The following CREB5 variants were observed in gnomAD, a reference collection of about 807,000 sequenced individuals.
The protein encoded by CREB5 is cyclic AMP-responsive element-binding protein 5.
In CREB5, 19 loss-of-function variants were observed where a neutral mutation model predicts 57.1. That is an observed-to-expected ratio of 0.33 (90% CI 0.23 to 0.49). CREB5 has a LOEUF of 0.49. Among genes scored for constraint, CREB5 ranks in the 20% least tolerant of loss-of-function variants. CREB5 has a pLI of 0.99. For missense variants in CREB5, 579 were observed against 671.6 expected, an observed-to-expected ratio of 0.86 and a Z score of 1.52; for synonymous variants, 238 against 238.3, an observed-to-expected ratio of 1.00 and a Z score of 0.01.
At chr7:28,603,984 G>A (rs1428731751) in intron 5 of CREB5, among the ~76,000 whole-genome samples, 1 of 152,140 alleles carries the variant, frequency 6.6e-6, no homozygotes, top group Non-Finnish European at 1.5e-5. Flanking sequence ...TATTTAGCAG[G>A]ATGGGGTGCG....
At chr7:28,512,651 GTGTGTGTGTGTGTGTGTA>G (rs980191668) in intron 4 of CREB5, among the ~76,000 whole-genome samples, 4 of 136,364 alleles carry the variant, frequency 2.9e-5, no homozygotes, top group Non-Finnish European at 6.8e-5. Context: ...TAATAACTGT[GTGTGTGTGTGTGTGTGTA>G]TGTGTGTGTG....
intron 4 of CREB5, among the ~76,000 whole-genome samples, chr7:28,530,264 G>A (rs1413632423): frequency 6.6e-6 from 1 of 151,866 alleles, no homozygotes; most frequent in Non-Finnish European, 1.5e-5. Context: ...CGTCAGATAA[G>A]AGGAGCCATG....
At chr7:28,370,797 C>T (rs1786691785) in intron 1 of CREB5, among the ~76,000 whole-genome samples, 1 of 152,196 alleles carries the variant, frequency 6.6e-6, no homozygotes, top group African/African-American at 2.4e-5. Flanking sequence ...GAGCTGCCTA[C>T]ATAAGGCTTT....
chr7:28,347,401 C>T (rs2127989879), intron 1 of CREB5, among the ~76,000 whole-genome samples: 1 of 152,242 alleles, frequency 6.6e-6, no homozygotes, highest in East Asian at 1.9e-4. Flanking sequence ...AAGAGGACAA[C>T]AGTGTTTAGA....
chr7:28,402,764 G>A (rs1427401688), intron 1 of CREB5, among the ~76,000 whole-genome samples: 1 of 152,146 alleles, frequency 6.6e-6, no homozygotes, highest in Non-Finnish European at 1.5e-5. Context: ...ATAGGCATGG[G>A]CAAGGACTTC....
chr7:28,719,646 A>C (rs956932994), intron 6 of CREB5, among the ~76,000 whole-genome samples: 3 of 152,228 alleles, frequency 2.0e-5, no homozygotes, highest in African/African-American at 7.2e-5. Context: ...ACTGAGGTAT[A>C]GACAGGCTGA....
intron 5 of CREB5, among the ~76,000 whole-genome samples, chr7:28,673,803 A>G (rs1481958829): frequency 2.6e-5 from 4 of 151,440 alleles, no homozygotes; most frequent in African/African-American, 9.7e-5. Flanking sequence ...CCTCCCAAGT[A>G]GCTGAGACTA....
At chr7:28,452,579 A>G (rs113108413) in intron 1 of CREB5, among the ~76,000 whole-genome samples, 7 of 152,326 alleles carry the variant, frequency 4.6e-5, no homozygotes, top group African/African-American at 1.7e-4. Context: ...ATGAGGAAGG[A>G]TCCAGGCACT....
chr7:28,717,757 A>C (rs2128746024), intron 5 of CREB5, among the ~76,000 whole-genome samples: 2 of 152,308 alleles, frequency 1.3e-5, no homozygotes, highest in South Asian at 4.1e-4. Context: ...TTTAACATGG[A>C]AGCCTCAGAG....
chr7:28,589,514 A>G (rs1796418911), intron 5 of CREB5, among the ~76,000 whole-genome samples: 1 of 152,194 alleles, frequency 6.6e-6, no homozygotes. Flanking sequence ...AGATCACGCC[A>G]CTGCACTCCA....
chr7:28,448,171 C>T (rs563765944), intron 1 of CREB5, among the ~76,000 whole-genome samples: 1 of 152,296 alleles, frequency 6.6e-6, no homozygotes, highest in South Asian at 2.1e-4. Flanking sequence ...CTCTTTCTCC[C>T]GTGCTGGATG....
intron 4 of CREB5, among the ~76,000 whole-genome samples, chr7:28,534,590 ACAT>A: frequency 6.6e-6 from 1 of 152,120 alleles, no homozygotes. Context: ...TTTTCTCCAA[ACAT>A]GAGAATTTTC....
intron 1 of CREB5, among the ~76,000 whole-genome samples, chr7:28,415,868 T>C (rs533054341): frequency 3.3e-5 from 5 of 152,354 alleles, no homozygotes; most frequent in South Asian, 2.1e-4. Flanking sequence ...AAGGTGTACC[T>C]TTGCCTAGGA....
At chr7:28,309,391 T>C (rs1785238343) in intron 1 of CREB5, among the ~76,000 whole-genome samples, 1 of 152,176 alleles carries the variant, frequency 6.6e-6, no homozygotes, top group Non-Finnish European at 1.5e-5. Flanking sequence ...CCCTCTTTTC[T>C]CTTGATGCCA....
chr7:28,441,135 T>C (rs879184396), intron 1 of CREB5, among the ~76,000 whole-genome samples: 1 of 152,184 alleles, frequency 6.6e-6, no homozygotes, highest in Admixed American at 6.5e-5. Context: ...CGGAGCTTGA[T>C]TTAAATACCT....
intron 5 of CREB5, among the ~76,000 whole-genome samples, chr7:28,579,961 A>G (rs971270754): frequency 9.9e-5 from 15 of 152,178 alleles, no homozygotes; most frequent in Admixed American, 8.5e-4. Flanking sequence ...CTCAAATTGC[A>G]TATTTAAAGA....
chr7:28,663,164 G>A (rs892318926), intron 5 of CREB5, among the ~76,000 whole-genome samples: 3 of 150,604 alleles, frequency 2.0e-5, no homozygotes, highest in African/African-American at 7.3e-5. Context: ...AAGAAAGATC[G>A]AAATGTTCCT....
At chr7:28,311,138 C>CAAAAAAAAAA (rs58272820) in intron 1 of CREB5, among the ~76,000 whole-genome samples, 29 of 117,584 alleles carry the variant, frequency 2.5e-4, no homozygotes, top group East Asian at 5.3e-4. Context: ...ACTAAAAATA[C>CAAAAAAAAAA]AAAAAAAAAA....
chr7:28,393,001 C>T lies in CREB5; in HGVS notation c.-25+93560C>T, dbSNP rs117022794. On this transcript the variant is annotated intron_variant, in intron 1 of 9. Transcript: ENST00000396299. ...GGGCCATGGTGTGATCTTGGCTCAC[C>T]GCAACCTCTGCCTCTTAGGTTCAAG... 1.3e-3 allele frequency among the ~76,000 whole-genome samples: 191 copies of T among 152,128 alleles called. 2 individuals are homozygous for T. The East Asian group carries it at 0.03, about 24-fold the overall frequency.
Sources: allele counts gnomAD v4.1 joint callset (sites outside exome capture counted in the v4.1 genomes callset), GRCh38; gene constraint gnomAD v4.1.1; transcripts MANE v1.5; gene names NCBI Gene and HGNC (gene_info 2026-07-23, HGNC 2026-07-21).